Variants in NBAS observed in about 807,000 individuals in gnomAD.
NBAS encodes NBAS subunit of NRZ tethering complex, also known as NAG/BC035112 fusion.
Under a neutral mutation model 302.5 loss-of-function variants are expected in NBAS, and 219 were observed. The observed-to-expected ratio is 0.72, with a 90% CI of 0.65 to 0.81. The LOEUF (loss-of-function observed/expected upper bound fraction) is 0.81. NBAS is among the 30% of genes least tolerant of loss of function. NBAS has a pLI of 0.00. For synonymous variants in NBAS, 1,118 were observed against 1,021.6 expected (o/e 1.09, Z -1.80); for missense variants, 2,932 against 2,841.6 (o/e 1.03, Z -0.72).
At chr2:15,046,449 CACTT>C in the NBAS span, among the ~76,000 whole-genome samples, 1 of 152,064 alleles carries the variant, frequency 6.6e-6, no homozygotes, top group African/African-American at 2.4e-5. Context: ...GGAGGATTAT[CACTT>C]AGACCCAACA....
the NBAS span, among the ~76,000 whole-genome samples, chr2:14,825,366 T>G: frequency 6.6e-6 from 1 of 152,300 alleles, no homozygotes; most frequent in South Asian, 2.1e-4. Flanking sequence ...TTGTTATCTA[T>G]ATAAAGTAGG....
intron 34 of NBAS, 115 bp downstream of exon 34, chr2:15,353,438 C>A (rs1445648957): frequency 1.6e-6 from 2 of 1,281,720 alleles, no homozygotes; most frequent in Non-Finnish European, 2.2e-6. Flanking sequence ...ATCTAGTTTT[C>A]TTCCATAAAT....
the NBAS span, among the ~76,000 whole-genome samples, chr2:14,806,312 A>G: frequency 6.6e-6 from 1 of 152,172 alleles, no homozygotes; most frequent in African/African-American, 2.4e-5. Flanking sequence ...GTGATCTTCC[A>G]TCATGTGTAT....
In NBAS at chr2:15,479,444, T is replaced by C. The variant is rs114606279; in HGVS notation, c.1084-1155A>G. ...ATGAGTACTACATACTCCAACCACATGCATGCCACCATGTATTTACGTGGC... is the reference window on the plus strand; with the variant it reads ...ATGAGTACTACATACTCCAACCACACGCATGCCACCATGTATTTACGTGGC... On this transcript the variant is annotated intron_variant, in intron 12 of 51. Coordinates refer to ENST00000281513, the MANE Select transcript of NBAS (RefSeq NM_015909.4). Among the ~76,000 whole-genome samples, 927 of 152,302 alleles carry C rather than the reference T, an allele frequency of 6.1e-3. 10 individuals carry two copies. The highest frequency in any genetic ancestry group is 0.02 in the African/African-American group (833 of 41,558).
the NBAS span, among the ~76,000 whole-genome samples, chr2:14,946,722 T>C: frequency 6.6e-6 from 1 of 152,200 alleles, no homozygotes; most frequent in Non-Finnish European, 1.5e-5. Flanking sequence ...CCAACTATTG[T>C]AGAATAAACC....
At chr2:15,552,725 G>A (rs536108598) in intron 5 of NBAS, among the ~76,000 whole-genome samples, 30 of 151,960 alleles carry the variant, frequency 2.0e-4, no homozygotes, top group East Asian at 7.8e-4. Flanking sequence ...CAAGTAATAC[G>A]TAACCTAGGT....
At chr2:14,911,125 C>T in the NBAS span, among the ~76,000 whole-genome samples, 1 of 152,226 alleles carries the variant, frequency 6.6e-6, no homozygotes, top group Non-Finnish European at 1.5e-5. Context: ...CTGAACCTTC[C>T]TCTCAAATTT....
intron 32 of NBAS, among the ~76,000 whole-genome samples, chr2:15,361,902 C>T (rs1242995829): frequency 1.3e-5 from 2 of 151,812 alleles, no homozygotes; most frequent in African/African-American, 2.4e-5. Flanking sequence ...ATCACTTGAA[C>T]CCAGGAGGCG....
chr2:15,420,786 AATG>A (rs1306404856), intron 23 of NBAS, among the ~76,000 whole-genome samples: 1 of 152,120 alleles, frequency 6.6e-6, no homozygotes, highest in Non-Finnish European at 1.5e-5. Flanking sequence ...ATGTTCTGAG[AATG>A]ATGAGGGAAG....
rs542107138 is a variant in NBAS at position 15,495,802 on chromosome 2, T to A, written c.955-6780A>T. On this transcript the variant is annotated intron_variant, in intron 11 of 51. Coordinates refer to ENST00000281513, the MANE Select transcript of NBAS (RefSeq NM_015909.4). ...AGATAATAACAAGTGTTGGCATGGA[T>A]GTGGAGACAATGGAAACACCATACT... is the stretch of plus-strand genomic sequence containing the variant. Among the ~76,000 whole-genome samples the A allele has an allele frequency of 4.6e-4, 70 of 152,252 alleles. No homozygotes were observed. In the South Asian group the frequency reaches 0.014, roughly 31 times the overall value.
rs187850569 is a variant in NBAS at position 15,515,684 on chromosome 2, C to T, written c.747-4334G>A. Among the ~76,000 whole-genome samples, 109 of 152,178 alleles carry T rather than the reference C, an allele frequency of 7.2e-4. 1 individual carries two copies. Among genetic ancestry groups the T allele is most frequent in the African/African-American group, 2.3e-3 (96 of 41,524 alleles). ...TGATGATTGGCCAAGTAAATAAACA[C>T]GCTCCATCATCATCACAGTGTTCAG... On this transcript the variant is annotated intron_variant, in intron 9 of 51. Coordinates refer to ENST00000281513, the MANE Select transcript of NBAS (RefSeq NM_015909.4).
chr2:14,806,260 C>A, the NBAS span, among the ~76,000 whole-genome samples: 3 of 152,160 alleles, frequency 2.0e-5, no homozygotes, highest in Admixed American at 6.5e-5. Context: ...ACTGTTGACT[C>A]CCTCAGTCAT....
At chr2:15,095,620 T>A in the NBAS span, among the ~76,000 whole-genome samples, 1 of 152,298 alleles carries the variant, frequency 6.6e-6, no homozygotes, top group East Asian at 1.9e-4. Flanking sequence ...TGTTCAGCTG[T>A]GATTTTCTGG....
At chr2:14,785,355 T>G in the NBAS span, among the ~76,000 whole-genome samples, 1 of 152,152 alleles carries the variant, frequency 6.6e-6, no homozygotes, top group Non-Finnish European at 1.5e-5. Context: ...TCCAACACTA[T>G]GTTGAATAGG....
At chr2:15,060,117 C>T in the NBAS span, among the ~76,000 whole-genome samples, 1 of 152,246 alleles carries the variant, frequency 6.6e-6, no homozygotes, top group East Asian at 1.9e-4. Context: ...GTTACTAGGC[C>T]TCTGCTCAGT....
At chr2:15,403,899 G>GTGTC (rs1302018829) in intron 25 of NBAS, among the ~76,000 whole-genome samples, 69 of 129,772 alleles carry the variant, frequency 5.3e-4, no homozygotes, top group African/African-American at 1.8e-3. Flanking sequence ...GTGTGTGTGT[G>GTGTC]TCTATACACT....
rs143274771 is a variant in NBAS, at chr2:15,370,778, C to T, written c.3703+3830G>A. ...TTGGAATGGAGGCATTTATCCAATGCCTGTACCCCTATTGTATCTTGGAAG... is the reference window on the plus strand; with the variant it reads ...TTGGAATGGAGGCATTTATCCAATGTCTGTACCCCTATTGTATCTTGGAAG... On this transcript the variant is annotated intron_variant, in intron 31 of 51. Coordinates refer to ENST00000281513, the MANE Select transcript of NBAS (RefSeq NM_015909.4). Among the ~76,000 whole-genome samples the T allele has an allele frequency of 1.9e-3, 288 of 152,298 alleles. 2 individuals are homozygous for T. Among genetic ancestry groups the T allele is most frequent in the African/African-American group, 6.4e-3 (267 of 41,570 alleles).
chr2:15,422,543 G>A (rs1261739820), intron 23 of NBAS, among the ~76,000 whole-genome samples: 1 of 150,950 alleles, frequency 6.6e-6, no homozygotes, highest in Non-Finnish European at 1.5e-5. Flanking sequence ...CAAAATAGTT[G>A]ATTGTAAAAA....
intron 43 of NBAS, among the ~76,000 whole-genome samples, chr2:15,276,108 G>A (rs1033018681): frequency 5.3e-5 from 8 of 152,164 alleles, no homozygotes; most frequent in East Asian, 1.9e-4. Flanking sequence ...TTTCGAATCC[G>A]CCGCAGCACC....
Sources: gnomAD v4.1 joint callset for allele counts (sites outside exome capture counted in the v4.1 genomes callset) on GRCh38, gnomAD v4.1.1 for gene constraint, MANE v1.5 for transcripts, NCBI Gene and HGNC (gene_info 2026-07-23, HGNC 2026-07-21) for gene names.